DOK6: variants seen among roughly 807,000 people sequenced by gnomAD.
The protein encoded by DOK6 is docking protein 6.
In DOK6, 22 loss-of-function variants were observed where a neutral mutation model predicts 44.0. The observed-to-expected ratio is 0.50, with a 90% CI of 0.36 to 0.71. The LOEUF is 0.71. Among genes scored for constraint, DOK6 ranks in the 30% least tolerant of loss-of-function variants. The pLI is 0.00. For synonymous variants in DOK6, 166 were observed against 145.5 expected, an observed-to-expected ratio of 1.14 and a Z score of -1.01; for missense variants, 340 against 416.4, an observed-to-expected ratio of 0.82 and a Z score of 1.60.
chr18:69,443,697 C>T (rs1272340116), intron 1 of DOK6, among the ~76,000 whole-genome samples: 1 of 152,134 alleles, frequency 6.6e-6, no homozygotes, highest in Non-Finnish European at 1.5e-5. Context: ...CTTTCTATCC[C>T]TTGTACTAAA....
chr18:69,650,109 T>G (rs1985184120), intron 3 of DOK6, among the ~76,000 whole-genome samples: 1 of 152,108 alleles, frequency 6.6e-6, no homozygotes, highest in South Asian at 2.1e-4. Context: ...TTGTGCCTAC[T>G]GTCTATTGTT....
chr18:69,523,446 G>C (rs1981742557), intron 1 of DOK6, among the ~76,000 whole-genome samples: 1 of 151,926 alleles, frequency 6.6e-6, no homozygotes, highest in South Asian at 2.1e-4. Context: ...ACTTCAGATT[G>C]AAAATAATTA....
intron 6 of DOK6, among the ~76,000 whole-genome samples, chr18:69,754,773 G>A (rs991988222): frequency 1.3e-5 from 2 of 151,970 alleles, no homozygotes; most frequent in African/African-American, 4.8e-5. Context: ...ATTTGATTAG[G>A]GTCCCCACAC....
intron 7 of DOK6, among the ~76,000 whole-genome samples, chr18:69,768,253 A>G (rs1296814675): frequency 1.3e-5 from 2 of 152,120 alleles, no homozygotes; most frequent in Non-Finnish European, 2.9e-5. Flanking sequence ...ATACAGACAA[A>G]TGTTAATACA....
At chr18:69,765,659 A>G (rs1236909637) in intron 7 of DOK6, among the ~76,000 whole-genome samples, 1 of 152,186 alleles carries the variant, frequency 6.6e-6, no homozygotes, top group African/African-American at 2.4e-5. Context: ...TTTATCAAAC[A>G]AATTTTGGGG....
rs137895487 is a variant in DOK6, at chr18:69,574,804, A to T, written c.174+10210A>T. On this transcript the variant is annotated intron_variant, in intron 2 of 7. Coordinates refer to ENST00000382713, the MANE Select transcript of DOK6 (RefSeq NM_152721.6). The stretch of plus-strand genomic sequence containing the variant: ...TTCTCAAATAGGTATTTCAGAAAAA[A>T]ATCCATTTTTGTGGTGTCATAGCCA... 4.2e-3 allele frequency among the ~76,000 whole-genome samples: 641 copies of T among 152,220 alleles called. 9 individuals are homozygous for T. The highest frequency in any genetic ancestry group is 0.015 in the African/African-American group (613 of 41,550).
At chr18:69,714,966 A>G (rs1304105785) in intron 5 of DOK6, among the ~76,000 whole-genome samples, 2 of 152,210 alleles carry the variant, frequency 1.3e-5, no homozygotes, top group East Asian at 3.8e-4. Flanking sequence ...ATATTTATTT[A>G]ATGTGTTTTT....
At chr18:69,592,237 CT>C (rs922865517) in intron 2 of DOK6, among the ~76,000 whole-genome samples, 100 of 127,880 alleles carry the variant, frequency 7.8e-4, no homozygotes, top group Admixed American at 7.3e-4. Flanking sequence ...TTTCTTTTTT[CT>C]TTTTTTTTTT....
At chr18:69,432,371 G>GAGGTC (rs1043680956) in intron 1 of DOK6, among the ~76,000 whole-genome samples, 2 of 152,172 alleles carry the variant, frequency 1.3e-5, no homozygotes, top group African/African-American at 4.8e-5. Context: ...TTGTACCCAG[G>GAGGTC]AGGTCAAGGC....
At chr18:69,756,363 C>T (rs1480531487) in intron 6 of DOK6, among the ~76,000 whole-genome samples, 1 of 152,074 alleles carries the variant, frequency 6.6e-6, no homozygotes, top group African/African-American at 2.4e-5. Context: ...AGCAGGAAAA[C>T]TTTGAAGTCT....
At chr18:69,500,608 A>T (rs938585058) in intron 1 of DOK6, among the ~76,000 whole-genome samples, 3 of 152,194 alleles carry the variant, frequency 2.0e-5, no homozygotes, top group African/African-American at 7.2e-5. Context: ...ATTAGTAAAC[A>T]TTTATTGAGT....
intron 3 of DOK6, among the ~76,000 whole-genome samples, chr18:69,673,987 T>A (rs2144682881): frequency 6.6e-6 from 1 of 152,312 alleles, no homozygotes; most frequent in East Asian, 1.9e-4. Flanking sequence ...AATAAACATT[T>A]TAAAATGCAG....
intron 4 of DOK6, among the ~76,000 whole-genome samples, chr18:69,695,862 C>T (rs573696856): frequency 6.6e-6 from 1 of 152,144 alleles, no homozygotes; most frequent in South Asian, 2.1e-4. Context: ...CTGGAGAGTT[C>T]TAAACCACAA....
At position 69,844,150 on chromosome 18, in the gene DOK6, C is replaced by G. The variant is rs1982297298; in HGVS notation, c.*2767C>G. 1 of 152,148 alleles carries G rather than the reference C, an allele frequency of 6.6e-6. No individual in the cohort carries two copies. Among genetic ancestry groups the G allele is most frequent in the South Asian group, 2.1e-4 (1 of 4,834 alleles). The allele number at this position is 152,148 out of a possible 1,614,324, so 9.4% of individuals were successfully genotyped here. ...GTTTTTGACTGGGGATGCCTCTACA[C>G]TTTGTAAGTCATTTCTCCCTTCAAA... is the stretch of plus-strand genomic sequence containing the variant. On this transcript the variant is annotated 3_prime_UTR_variant, in exon 8 of 8. Transcript: ENST00000382713.
intron 3 of DOK6, among the ~76,000 whole-genome samples, chr18:69,677,370 G>GTGTATATATATA (rs1555722635): frequency 1.0e-4 from 15 of 149,186 alleles, no homozygotes; most frequent in African/African-American, 3.2e-4. Flanking sequence ...ATATGTGTGT[G>GTGTATATATATA]TATATATATA....
chr18:69,684,236 A>G (rs1337366583), intron 4 of DOK6, among the ~76,000 whole-genome samples: 1 of 152,222 alleles, frequency 6.6e-6, no homozygotes. Context: ...ACTACACCAG[A>G]AAAAGGTCAA....
intron 7 of DOK6, among the ~76,000 whole-genome samples, chr18:69,782,976 T>A (rs1353782729): frequency 6.6e-6 from 1 of 152,208 alleles, no homozygotes; most frequent in East Asian, 1.9e-4. Context: ...TGGAAGAAAT[T>A]GACAGCAACT....
At chr18:69,413,635 C>T (rs928619327) in intron 1 of DOK6, among the ~76,000 whole-genome samples, 5 of 151,810 alleles carry the variant, frequency 3.3e-5, no homozygotes, top group African/African-American at 1.2e-4. Flanking sequence ...AAATATAAAA[C>T]ATAAAGCTAT....
At chr18:69,404,856 CCA>C (rs1487369983) in intron 1 of DOK6, among the ~76,000 whole-genome samples, 1 of 151,434 alleles carries the variant, frequency 6.6e-6, no homozygotes, top group African/African-American at 2.4e-5. Context: ...CTTGGAGTGC[CCA>C]CAGTTTAAGA....
Sources: gnomAD v4.1 joint callset for allele counts (sites outside exome capture counted in the v4.1 genomes callset) on GRCh38, gnomAD v4.1.1 for gene constraint, MANE v1.5 for transcripts, NCBI Gene and HGNC (gene_info 2026-07-23, HGNC 2026-07-21) for gene names.